Variants in SLC26A5 observed in about 807,000 individuals in gnomAD.
SLC26A5 encodes prestin.
In SLC26A5, 51 loss-of-function variants were observed where a neutral mutation model predicts 81.0. The ratio of observed to expected loss-of-function variants is 0.63; its 90% CI spans 0.50 to 0.80. SLC26A5 has a LOEUF of 0.80. Among genes scored for constraint, SLC26A5 ranks in the 30% least tolerant of loss-of-function variants. The pLI is 0.00. For missense variants in SLC26A5, 771 were observed against 905.8 expected (o/e 0.85, Z 1.91); for synonymous variants, 325 against 332.8 (o/e 0.98, Z 0.25).
chr7:103,395,449 A>G (rs957183740), intron 9 of SLC26A5, among the ~76,000 whole-genome samples: 14 of 144,848 alleles, frequency 9.7e-5, no homozygotes, highest in Non-Finnish European at 1.5e-4. Flanking sequence ...AATTATAGTG[A>G]CAAGTAGATT....
chr7:103,410,812 G>A (rs1824426338), intron 6 of SLC26A5, among the ~76,000 whole-genome samples: 2 of 151,934 alleles, frequency 1.3e-5, no homozygotes, highest in Non-Finnish European at 2.9e-5. Context: ...TGTATTTTTA[G>A]TAGACACGGG....
At chr7:103,361,336 T>TA (rs1170508055) in intron 19 of SLC26A5, among the ~76,000 whole-genome samples, 1,514 of 120,814 alleles carry the variant, frequency 0.013, 8 homozygotes, top group African/African-American at 0.02. Flanking sequence ...CCCTCTCTAC[T>TA]AAAAAAAAAA....
intron 4 of SLC26A5, among the ~76,000 whole-genome samples, chr7:103,420,289 C>CTTTT (rs35755959): frequency 7.4e-4 from 67 of 90,586 alleles, no homozygotes; most frequent in East Asian, 1.1e-3. Context: ...ATCCCTGGAG[C>CTTTT]TTTTTTTTTT....
chr7:103,423,590 C>G (rs6972505), intron 2 of SLC26A5, among the ~76,000 whole-genome samples: 77,877 of 151,908 alleles, frequency 0.51, 22,581 homozygotes, highest in African/African-American at 0.78. Context: ...AGACTTAGCA[C>G]AGGGAGTTCA....
At chr7:103,354,897 G>A in intron 19 of SLC26A5, 1 of 1,613,490 alleles carries the variant, frequency 6.2e-7, no homozygotes, top group African/African-American at 1.3e-5. Context: ...GGCAGATCAA[G>A]CAAGTTGAAG....
intron 15 of SLC26A5, 69 bp downstream of exon 15, chr7:103,380,411 G>T: frequency 7.6e-7 from 1 of 1,322,892 alleles, no homozygotes. Flanking sequence ...TTTATCCTGG[G>T]TAAAAACAGT....
intron 19 of SLC26A5, chr7:103,366,111 C>G: frequency 6.2e-7 from 1 of 1,613,590 alleles, no homozygotes; most frequent in Non-Finnish European, 8.5e-7. Context: ...TTGAAATGGC[C>G]AGAACAAAAA....
intron 2 of SLC26A5, among the ~76,000 whole-genome samples, chr7:103,424,288 G>T (rs1041276107): frequency 6.6e-6 from 1 of 152,086 alleles, no homozygotes; most frequent in Non-Finnish European, 1.5e-5. Flanking sequence ...GCCTATGCAT[G>T]TTACTTGGTA....
chr7:103,414,359 TAG>T (rs1468832625), intron 4 of SLC26A5, among the ~76,000 whole-genome samples: 8 of 151,924 alleles, frequency 5.3e-5, no homozygotes, highest in African/African-American at 1.9e-4. Flanking sequence ...CTAATTTTTG[TAG>T]AGACAGAGTT....
chr7:103,376,627 C>G (rs1441208301), intron 19 of SLC26A5, among the ~76,000 whole-genome samples, 181 bp downstream of exon 19: 1 of 152,102 alleles, frequency 6.6e-6, no homozygotes, highest in Non-Finnish European at 1.5e-5. Flanking sequence ...TCACAAGTAA[C>G]TTGTAATATG....
At position 103,377,756 on chromosome 7, in the gene SLC26A5, T is replaced by C; in HGVS notation, c.1829A>G (p.Glu610Gly). ...TGGGGGATATTTTACTTCACCATCC[T>C]CTTCTTCAGGCTTGGTAGCATCCTC... Reference protein sequence around the residue: ...DGEDATKPEEEDGEVKYPPIV... With the variant: ...DGEDATKPEEGDGEVKYPPIV... Residue 610 changes from glutamate (E) to glycine (G), a missense_variant, in exon 18 of 20, where the codon GAG (glutamate) becomes GGG (glycine). Transcript: ENST00000306312. 1 of 1,614,124 alleles carries C rather than the reference T, an allele frequency of 6.2e-7. No homozygotes were observed. Among genetic ancestry groups the C allele is most frequent in the Non-Finnish European group, 8.5e-7 (1 of 1,180,022 alleles).
intron 19 of SLC26A5, 126 bp from the exon 20 acceptor site, chr7:103,374,718 G>C: frequency 1.3e-6 from 1 of 783,266 alleles, no homozygotes; most frequent in South Asian, 1.8e-5. Context: ...TTTTTTTTTT[G>C]AGACAGAGTC....
intron 2 of SLC26A5, among the ~76,000 whole-genome samples, chr7:103,440,060 C>T (rs1320272402): frequency 2.6e-5 from 4 of 152,216 alleles, no homozygotes; most frequent in African/African-American, 9.7e-5. Context: ...ATCCATAGCA[C>T]TTAACACTAT....
At chr7:103,416,120 C>T (rs1417288571) in intron 4 of SLC26A5, among the ~76,000 whole-genome samples, 1 of 152,144 alleles carries the variant, frequency 6.6e-6, no homozygotes, top group Non-Finnish European at 1.5e-5. Context: ...GTTTTTGTTT[C>T]ATAGATTCAA....
rs140214068 is a variant in SLC26A5, at chr7:103,401,296, A to T, written c.889-3282T>A. On this transcript the variant is annotated intron_variant, in intron 8 of 19. Transcript: ENST00000306312. ...GAAGAGGTCCTTCACATCCCTTATA[A>T]GTTGTATTCATAGACATTTTCTTCT... 3.6e-3 allele frequency among the ~76,000 whole-genome samples: 550 copies of T among 152,178 alleles called. 1 individual carries two copies. Among genetic ancestry groups the T allele is most frequent in the Non-Finnish European group, 4.7e-3 (317 of 68,002 alleles).
intron 19 of SLC26A5, chr7:103,362,678 T>C: frequency 1.3e-6 from 2 of 1,595,962 alleles, no homozygotes; most frequent in Non-Finnish European, 1.7e-6. Context: ...TCTTTTTTAC[T>C]TCCTTAGCGT....
At chr7:103,374,179 T>C, downstream of SLC26A5, 2 of 1,350,072 alleles carry the variant, frequency 1.5e-6, no homozygotes, top group Non-Finnish European at 1.9e-6. Flanking sequence ...GAAATGTCTC[T>C]CCATAATAAA....
intron 10 of SLC26A5, 152 bp downstream of exon 10, chr7:103,392,767 T>C (rs1401469731): frequency 3.3e-6 from 3 of 901,536 alleles, no homozygotes; most frequent in Non-Finnish European, 5.1e-6. Context: ...TCAGTAGAGA[T>C]GGGGTTTCAC....
intron 7 of SLC26A5, 119 bp from the exon 8 acceptor site, chr7:103,408,122 T>G: frequency 1.5e-6 from 2 of 1,353,916 alleles, no homozygotes; most frequent in Non-Finnish European, 1.0e-6. Context: ...TAGTGGAAAG[T>G]TCCAAGGCTG....
Sources: gnomAD v4.1 joint callset for allele counts (sites outside exome capture counted in the v4.1 genomes callset) on GRCh38, gnomAD v4.1.1 for gene constraint, MANE v1.5 for transcripts, NCBI Gene and HGNC (gene_info 2026-07-23, HGNC 2026-07-21) for gene names.